Variants in PDE4B observed in about 807,000 individuals in gnomAD.
The protein encoded by PDE4B is phosphodiesterase 4B, also known as 3',5'-cyclic-AMP phosphodiesterase 4B.
PDE4B carries 20 observed loss-of-function variants against 82.2 expected under a neutral mutation model. The ratio of observed to expected loss-of-function variants is 0.24; its 90% CI spans 0.17 to 0.35. PDE4B has a LOEUF of 0.35. Ranked by LOEUF, PDE4B falls within the 10% of genes least tolerant of loss-of-function variation. PDE4B has a pLI of 1.00. For synonymous variants in PDE4B, 320 were observed against 318.9 expected (o/e 1.00, Z -0.04); for missense variants, 655 against 907.2 (o/e 0.72, Z 3.57).
intron 1 of PDE4B, among the ~76,000 whole-genome samples, chr1:65,796,273 G>A (rs1017422465): frequency 3.9e-5 from 6 of 152,200 alleles, no homozygotes; most frequent in African/African-American, 1.4e-4. Flanking sequence ...CAAGTTGGGA[G>A]ATTCTTAGGC....
chr1:66,173,582 G>T (rs1299061082), intron 3 of PDE4B, among the ~76,000 whole-genome samples: 1 of 152,220 alleles, frequency 6.6e-6, no homozygotes, highest in East Asian at 1.9e-4. Flanking sequence ...GATCAAAATG[G>T]AACATCACAA....
chr1:65,990,923 C>G (rs913896063), intron 3 of PDE4B, among the ~76,000 whole-genome samples: 4 of 151,988 alleles, frequency 2.6e-5, no homozygotes, highest in African/African-American at 9.7e-5. Context: ...AGAGTAGTAC[C>G]GTAAACCAGT....
intron 16 of PDE4B, among the ~76,000 whole-genome samples, chr1:66,370,150 C>CAAAAAAAAAAAAAAAAAA (rs752920376): frequency 1.7e-4 from 5 of 28,622 alleles, no homozygotes; most frequent in Non-Finnish European, 2.5e-4. Flanking sequence ...GACTCTATCT[C>CAAAAAAAAAAAAAAAAAA]AAAAAAAAAA....
At chr1:66,314,609 C>G (rs1256981158) in intron 7 of PDE4B, among the ~76,000 whole-genome samples, 1 of 152,078 alleles carries the variant, frequency 6.6e-6, no homozygotes, top group African/African-American at 2.4e-5. Context: ...GATGGGGTTT[C>G]ACCATATTAG....
At chr1:66,212,463 G>A (rs1475832191) in intron 3 of PDE4B, among the ~76,000 whole-genome samples, 1 of 152,070 alleles carries the variant, frequency 6.6e-6, no homozygotes, top group African/African-American at 2.4e-5. Context: ...GCGTTTGCTT[G>A]AATCTCACAT....
At chr1:66,113,654 G>A (rs1409312195) in intron 3 of PDE4B, among the ~76,000 whole-genome samples, 22 of 152,160 alleles carry the variant, frequency 1.4e-4, no homozygotes, top group Admixed American at 1.4e-3. Flanking sequence ...GATTCCATAT[G>A]TAAGGTGTTT....
chr1:65,896,940 AAAGG>A (rs935917048), intron 1 of PDE4B, among the ~76,000 whole-genome samples: 37 of 152,196 alleles, frequency 2.4e-4, no homozygotes, highest in Admixed American at 2.0e-3. Context: ...GTGTTTTTTA[AAAGG>A]AAGTGAGGTT....
chr1:65,887,482 A>G (rs1191179022), intron 1 of PDE4B, among the ~76,000 whole-genome samples: 1 of 117,404 alleles, frequency 8.5e-6, no homozygotes, highest in African/African-American at 3.4e-5. Context: ...CAGTGGTGCA[A>G]TCTTGGCTCA....
At chr1:66,186,901 T>G (rs1302939744) in intron 3 of PDE4B, among the ~76,000 whole-genome samples, 1 of 152,234 alleles carries the variant, frequency 6.6e-6, no homozygotes, top group Non-Finnish European at 1.5e-5. Context: ...AGGGCATCCC[T>G]GTCTTGTGCC....
At chr1:65,922,601 C>T (rs1334422673) in intron 3 of PDE4B, among the ~76,000 whole-genome samples, 4 of 152,136 alleles carry the variant, frequency 2.6e-5, no homozygotes, top group Non-Finnish European at 5.9e-5. Context: ...ACCTCTTATA[C>T]ACACATAAAT....
intron 2 of PDE4B, among the ~76,000 whole-genome samples, chr1:65,914,690 C>G (rs1235591538): frequency 6.6e-6 from 1 of 150,928 alleles, no homozygotes; most frequent in African/African-American, 2.4e-5. Context: ...AAGAATAAAA[C>G]TGAGCAATGC....
chr1:65,808,606 C>A (rs561961954), intron 1 of PDE4B, among the ~76,000 whole-genome samples: 1 of 152,266 alleles, frequency 6.6e-6, no homozygotes, highest in Admixed American at 6.5e-5. Flanking sequence ...GAACTTTGAG[C>A]ATATGAAAGT....
At chr1:66,275,997 C>G (rs1471755812) in intron 7 of PDE4B, among the ~76,000 whole-genome samples, 1 of 151,982 alleles carries the variant, frequency 6.6e-6, no homozygotes, top group East Asian at 1.9e-4. Flanking sequence ...TTATTTGAAT[C>G]TTACAGGCAG....
intron 8 of PDE4B, among the ~76,000 whole-genome samples, chr1:66,351,354 A>G (rs1570751616): frequency 1.3e-5 from 2 of 152,348 alleles, no homozygotes; most frequent in African/African-American, 4.8e-5. Flanking sequence ...TACTGAATTT[A>G]ATAAAGTAAA....
intron 7 of PDE4B, among the ~76,000 whole-genome samples, chr1:66,272,108 GT>G (rs769489780): frequency 1.1e-4 from 17 of 152,200 alleles, no homozygotes; most frequent in Non-Finnish European, 2.2e-4. Flanking sequence ...CCACGTGCCT[GT>G]GTCCTCCCAA....
chr1:66,214,899 C>T (rs1650332954), intron 3 of PDE4B, among the ~76,000 whole-genome samples: 1 of 152,076 alleles, frequency 6.6e-6, no homozygotes, highest in South Asian at 2.1e-4. Context: ...ATATCATGAC[C>T]TTGTTGGAAG....
chr1:65,977,642 G>A (rs1239243602), intron 3 of PDE4B, among the ~76,000 whole-genome samples: 1 of 152,180 alleles, frequency 6.6e-6, no homozygotes, highest in Non-Finnish European at 1.5e-5. Context: ...AATGGAGATG[G>A]CGATGTATAG....
chr1:66,000,966 A>G (rs1027118297), intron 3 of PDE4B, among the ~76,000 whole-genome samples: 2 of 152,214 alleles, frequency 1.3e-5, no homozygotes, highest in African/African-American at 2.4e-5. Flanking sequence ...ATGGATGATT[A>G]TATGCTTGGA....
intron 3 of PDE4B, among the ~76,000 whole-genome samples, chr1:65,969,063 C>G (rs1490747216): frequency 1.3e-5 from 2 of 152,074 alleles, no homozygotes; most frequent in African/African-American, 4.8e-5. Flanking sequence ...AAACACCGTA[C>G]TTTTTCAGGG....
Sources: allele counts gnomAD v4.1 joint callset (sites outside exome capture counted in the v4.1 genomes callset), GRCh38; gene constraint gnomAD v4.1.1; transcripts MANE v1.5; gene names NCBI Gene and HGNC (gene_info 2026-07-23, HGNC 2026-07-21).